Variants in PCDHGB7 observed in about 807,000 individuals in gnomAD.
The protein encoded by PCDHGB7 is protocadherin gamma subfamily B, 7.
A neutral mutation model predicts 61.4 loss-of-function variants in PCDHGB7; 37 were observed. That is an observed-to-expected ratio of 0.60 (90% CI 0.46 to 0.79). PCDHGB7 has a LOEUF of 0.79. PCDHGB7 is among the 30% of genes least tolerant of loss of function. The probability of loss-of-function intolerance (pLI) is 0.00; values close to 1 mark genes in which losing one functional copy is unlikely to be tolerated. For missense variants in PCDHGB7, 1,166 were observed against 1,202.5 expected (o/e 0.97, Z 0.45); for synonymous variants, 464 against 503.5 (o/e 0.92, Z 1.05).
At position 141,418,868 on chromosome 5, in the gene PCDHGB7, G is replaced by A; in HGVS notation, c.1009G>A (p.Val337Ile). ...LSTRCKVIVEVVDENDNSPEI... is the reference protein window; with the variant it reads ...LSTRCKVIVEIVDENDNSPEI... ...AACACGGTGTAAAGTAATTGTAGAA[G>A]TTGTAGACGAAAACGACAACAGCCC... is the stretch of plus-strand genomic sequence containing the variant. The change falls in exon 1 of 4, where the codon GTT becomes ATT. Residue 337 changes from valine (V) to isoleucine (I), a missense_variant. Coordinates refer to ENST00000398594, the MANE Select transcript of PCDHGB7 (RefSeq NM_018927.4). The A allele has an allele frequency of 1.2e-6, 2 of 1,613,998 alleles. No individual in the cohort carries two copies. The highest frequency in any genetic ancestry group is 1.7e-6 in the Non-Finnish European group (2 of 1,179,880).
chr5:141,495,892 TTGTCTC>T (rs1035324353), intron 2 of PCDHGB7, among the ~76,000 whole-genome samples: 1 of 152,198 alleles, frequency 6.6e-6, no homozygotes, highest in Admixed American at 6.5e-5. Flanking sequence ...TTGTCTCTCT[TTGTCTC>T]TGTCTCTGTA....
chr5:141,497,031 A>G (rs898409925), intron 2 of PCDHGB7, among the ~76,000 whole-genome samples: 14 of 152,184 alleles, frequency 9.2e-5, no homozygotes, highest in African/African-American at 3.4e-4. Context: ...TCGATTAAAA[A>G]TACAAAAATT....
chr5:141,506,304 C>A (rs569926873), intron 3 of PCDHGB7, among the ~76,000 whole-genome samples: 3 of 152,078 alleles, frequency 2.0e-5, no homozygotes, highest in Non-Finnish European at 4.4e-5. Context: ...CAAAAATTAG[C>A]TGGGCATGGT....
intron 1 of PCDHGB7, 129 bp from the exon 2 acceptor site, chr5:141,494,678 G>T: frequency 1.3e-6 from 2 of 1,554,384 alleles, no homozygotes; most frequent in East Asian, 4.7e-5. Flanking sequence ...GTCCACCCCT[G>T]CCCCCTCTTA....
In PCDHGB7 at chr5:141,419,126, G is replaced by A; in HGVS notation, c.1267G>A (p.Ala423Thr). The change falls in exon 1 of 4, where the codon GCA becomes ACA. Residue 423 changes from alanine to threonine, a missense_variant. Ala to Thr is a moderately conservative substitution (Grantham distance 58). Transcript: ENST00000398594. ...EQTPEYNVTI[A>T]ATDRGKPPLS... ...GACCCCAGAGTACAACGTCACCATC[G>A]CAGCCACAGACAGGGGCAAGCCTCC... 1 of 1,613,770 alleles carries A rather than the reference G, an allele frequency of 6.2e-7. No individual in the cohort carries two copies. The highest frequency in any genetic ancestry group is 8.5e-7 in the Non-Finnish European group (1 of 1,179,884).
chr5:141,421,280 G>T (rs564480755), intron 1 of PCDHGB7: 1 of 1,612,948 alleles, frequency 6.2e-7, no homozygotes, highest in African/African-American at 1.3e-5. Context: ...CTGCTGCTGT[G>T]CATTTTCCTG....
Position 141,419,304 on chromosome 5 carries a change from G to T in PCDHGB7, c.1445G>T (p.Gly482Val). The change falls in exon 1 of 4, where the codon GGG becomes GTG. Residue 482 changes from glycine to valine, a missense_variant. Coordinates refer to ENST00000398594, the MANE Select transcript of PCDHGB7 (RefSeq NM_018927.4). ...AQVSASDPDF[G>V]LNGRVSYSLI... is the part of the protein sequence containing the mutation. ...GTCAGTGCCTCTGACCCAGACTTCG[G>T]GCTCAACGGCCGTGTCTCCTACTCT... The T allele has an allele frequency of 6.2e-7, 1 of 1,613,994 alleles. No individual in the cohort carries two copies. The highest frequency in any genetic ancestry group is 8.5e-7 in the Non-Finnish European group (1 of 1,179,888).
intron 1 of PCDHGB7, among the ~76,000 whole-genome samples, chr5:141,443,656 A>G (rs139300845): frequency 1.3e-5 from 2 of 152,374 alleles, no homozygotes; most frequent in East Asian, 3.8e-4. Flanking sequence ...TTAGCATAGC[A>G]TTTTACTGAA....
At chr5:141,475,988 A>C (rs1197163866) in intron 1 of PCDHGB7, 29 of 1,114,786 alleles carry the variant, frequency 2.6e-5, no homozygotes, top group Non-Finnish European at 3.2e-5. Context: ...GCCGGCGAGC[A>C]AATCAACGGC....
In PCDHGB7 at chr5:141,432,129, A is replaced by T. The variant is rs758099753; in HGVS notation, c.2415+11855A>T. The T allele has an allele frequency of 6.2e-6, 10 of 1,614,054 alleles. No individual in the cohort carries two copies. In the South Asian group the frequency reaches 8.8e-5, roughly 14 times the overall value. On this transcript the variant is annotated intron_variant, in intron 1 of 3. Transcript: ENST00000398594. This position sits in a 1 kb window ranked among gnomAD's most constrained non-coding sequence, Gnocchi z 6.0. ...CCGCCGGTCTTCCCTCAGGCCTCCTATTCCGCTTATATCCCAGAGAACAAT... is the reference window on the plus strand; with the variant it reads ...CCGCCGGTCTTCCCTCAGGCCTCCTTTTCCGCTTATATCCCAGAGAACAAT...
In PCDHGB7 at chr5:141,476,299, C is replaced by G; in HGVS notation, c.2416-18508C>G. On this transcript the variant is annotated intron_variant, in intron 1 of 3. Transcript: ENST00000398594. This position sits in a 1 kb window ranked among gnomAD's most constrained non-coding sequence, Gnocchi z 7.6. The stretch of plus-strand genomic sequence containing the variant: ...ACCTTGGTTTGGATCTCGGTAGCCT[C>G]TCAGCCCGCAGGTTCCGGGTGGTGT... The G allele has an allele frequency of 6.2e-7, 1 of 1,614,100 alleles. No individual in the cohort carries two copies. The highest frequency in any genetic ancestry group is 8.5e-7 in the Non-Finnish European group (1 of 1,180,014).
chr5:141,444,376 G>A (rs977995642), intron 1 of PCDHGB7, among the ~76,000 whole-genome samples: 1 of 151,796 alleles, frequency 6.6e-6, no homozygotes, highest in Non-Finnish European at 1.5e-5. Flanking sequence ...TCTCCATGTT[G>A]GTCAGGCTAG....
rs779292483 is a variant in PCDHGB7 at position 141,491,102 on chromosome 5, T to C, written c.2416-3705T>C. The C allele has an allele frequency of 6.2e-7, 1 of 1,614,152 alleles. No individual in the cohort carries two copies. Among genetic ancestry groups the C allele is most frequent in the Non-Finnish European group, 8.5e-7 (1 of 1,180,006 alleles). ...TCCACAGCCCCAGGACTGTTCCTCG[T>C]GTCTACACACACTGGTGAGGTGCGC... On this transcript the variant is annotated intron_variant, in intron 1 of 3. Transcript: ENST00000398594. This position sits in a 1 kb window ranked among gnomAD's most constrained non-coding sequence, Gnocchi z 6.9.
At chr5:141,430,985 G>T (rs773308629) in intron 1 of PCDHGB7, 4 of 1,613,780 alleles carry the variant, frequency 2.5e-6, no homozygotes, top group Non-Finnish European at 3.4e-6. Flanking sequence ...GCAGCTTTTC[G>T]CCCTGAATCC....
intron 1 of PCDHGB7, among the ~76,000 whole-genome samples, chr5:141,475,567 A>G (rs1260546062): frequency 6.6e-6 from 1 of 152,244 alleles, no homozygotes; most frequent in African/African-American, 2.4e-5. Flanking sequence ...CTGTCTTCCA[A>G]CAAGCCAGAT....
At position 141,486,001 on chromosome 5, in the gene PCDHGB7, C is replaced by G. The variant is rs771993915; in HGVS notation, c.2416-8806C>G. 6.2e-7 allele frequency: 1 copy of G among 1,614,194 alleles called. No homozygotes were observed. Among genetic ancestry groups the G allele is most frequent in the Non-Finnish European group, 8.5e-7 (1 of 1,180,024 alleles). On this transcript the variant is annotated intron_variant, in intron 1 of 3. Transcript: ENST00000398594. The surrounding 1 kb of genome is among the most constrained non-coding windows in gnomAD (Gnocchi z 5.0). ...ACCCGGACCTGGGTCCCAGTGGTAACGTCACCTTTTATTTCAGTGGTCATA... is the reference window on the plus strand; with the variant it reads ...ACCCGGACCTGGGTCCCAGTGGTAAGGTCACCTTTTATTTCAGTGGTCATA...
intron 1 of PCDHGB7, among the ~76,000 whole-genome samples, chr5:141,445,332 A>G (rs1364481039): frequency 1.4e-4 from 22 of 152,140 alleles, no homozygotes; most frequent in Admixed American, 1.4e-3. Context: ...CCATCCAGAA[A>G]CAGTAAACAT....
intron 1 of PCDHGB7, among the ~76,000 whole-genome samples, chr5:141,443,466 A>G (rs1402303157): frequency 6.6e-6 from 1 of 152,184 alleles, no homozygotes; most frequent in East Asian, 1.9e-4. Flanking sequence ...AGTCTGGGTG[A>G]CAGAATTAGA....
intron 1 of PCDHGB7, among the ~76,000 whole-genome samples, chr5:141,445,711 G>A (rs978623618): frequency 1.3e-5 from 2 of 152,202 alleles, no homozygotes; most frequent in African/African-American, 4.8e-5. Context: ...TTGTCAGGCA[G>A]AGGAAATAGC....
Sources: allele counts gnomAD v4.1 joint callset (sites outside exome capture counted in the v4.1 genomes callset), GRCh38; gene constraint gnomAD v4.1.1; non-coding constraint Gnocchi (gnomAD v3.1); transcripts MANE v1.5; gene names NCBI Gene and HGNC (gene_info 2026-07-23, HGNC 2026-07-21).